TSPEAR: variants seen among roughly 807,000 people sequenced by gnomAD.
TSPEAR encodes thrombospondin type laminin G domain and EAR repeats.
In TSPEAR, 69 loss-of-function variants were observed where a neutral mutation model predicts 71.6. The ratio of observed to expected loss-of-function variants is 0.96; its 90% CI spans 0.79 to 1.18. The LOEUF (loss-of-function observed/expected upper bound fraction) is 1.18. Among genes scored for constraint, TSPEAR ranks in the 50% most tolerant of loss-of-function variants. The pLI is 0.00. For missense variants in TSPEAR, 971 were observed against 894.9 expected (o/e 1.09, Z -1.09); for synonymous variants, 402 against 387.2 (o/e 1.04, Z -0.45).
intron 1 of TSPEAR, among the ~76,000 whole-genome samples, chr21:44,570,009 C>T (rs1194458961): frequency 6.6e-6 from 1 of 152,144 alleles, no homozygotes; most frequent in Non-Finnish European, 1.5e-5. Context: ...CCTACTGCCC[C>T]TCCCCCCAGT....
intron 2 of TSPEAR, among the ~76,000 whole-genome samples, chr21:44,560,128 G>T (rs1286398337): frequency 6.6e-6 from 1 of 152,150 alleles, no homozygotes; most frequent in African/African-American, 2.4e-5. Context: ...CAAAATAAAG[G>T]AATGGAGGAA....
chr21:44,529,750 GCT>G, intron 5 of TSPEAR, 46 bp downstream of exon 5: 1 of 1,606,962 alleles, frequency 6.2e-7, no homozygotes, highest in Non-Finnish European at 8.5e-7. Context: ...TGAGGCCAGG[GCT>G]CTCGCATCTG....
chr21:44,647,399 G>A, intron 1 of TSPEAR: 1 of 1,591,848 alleles, frequency 6.3e-7, no homozygotes, highest in Admixed American at 1.7e-5. Context: ...TTGCTGCCAA[G>A]CAGGATTCTC....
intron 1 of TSPEAR, among the ~76,000 whole-genome samples, chr21:44,576,047 T>G (rs1978421239): frequency 6.6e-6 from 1 of 152,168 alleles, no homozygotes; most frequent in South Asian, 2.1e-4. Context: ...AAAAATTATA[T>G]TTGGAATAAT....
At chr21:44,558,029 T>A in intron 2 of TSPEAR, 1 of 1,587,430 alleles carries the variant, frequency 6.3e-7, no homozygotes, top group Non-Finnish European at 8.6e-7. Flanking sequence ...GGAACAACTC[T>A]GGAGAAACGG....
At chr21:44,668,867 C>T (rs1985918043) in intron 1 of TSPEAR, among the ~76,000 whole-genome samples, 1 of 152,200 alleles carries the variant, frequency 6.6e-6, no homozygotes. Flanking sequence ...CCTTACCTCA[C>T]ACCATATACA....
At chr21:44,614,068 A>C (rs1981908728) in intron 1 of TSPEAR, among the ~76,000 whole-genome samples, 1 of 152,032 alleles carries the variant, frequency 6.6e-6, no homozygotes, top group South Asian at 2.1e-4. Context: ...TCACCTGATG[A>C]CGCCATGAGC....
chr21:44,709,915 G>T (rs534801422), intron 1 of TSPEAR, among the ~76,000 whole-genome samples: 114 of 152,302 alleles, frequency 7.5e-4, no homozygotes, highest in South Asian at 1.0e-3. Context: ...TTTCCTCCCT[G>T]GTTCGTGGTA....
At chr21:44,629,793 T>C (rs587683098) in intron 1 of TSPEAR, among the ~76,000 whole-genome samples, 1 of 152,360 alleles carries the variant, frequency 6.6e-6, no homozygotes, top group East Asian at 1.9e-4. Flanking sequence ...AAATGGTTCC[T>C]GTTTAGGCAT....
At chr21:44,707,504 C>A (rs1211304997) in intron 1 of TSPEAR, among the ~76,000 whole-genome samples, 2 of 152,136 alleles carry the variant, frequency 1.3e-5, no homozygotes, top group Non-Finnish European at 2.9e-5. Context: ...CTTGGCTTGT[C>A]TGGAGCGGAA....
chr21:44,658,280 C>T, intron 1 of TSPEAR: 1 of 1,612,304 alleles, frequency 6.2e-7, no homozygotes, highest in Non-Finnish European at 8.5e-7. Context: ...ACCAGCTGCT[C>T]CTGGTACACG....
At position 44,666,566 on chromosome 21, in the gene TSPEAR, A is replaced by G. The variant is rs1368572926; in HGVS notation, c.82+44867T>C. The G allele has an allele frequency of 3.7e-6, 6 of 1,600,232 alleles. No individual in the cohort carries two copies. The African/African-American group carries it at 5.4e-5, about 14-fold the overall frequency. On this transcript the variant is annotated intron_variant, in intron 1 of 11. Transcript: ENST00000323084. ...CATACACGACAGGCCTGCAGCTCAC[A>G]GGCACGCACAGGGAGGACTGGCAGG... is the stretch of plus-strand genomic sequence containing the variant.
intron 1 of TSPEAR, among the ~76,000 whole-genome samples, chr21:44,606,241 C>T (rs1981307161): frequency 6.6e-6 from 1 of 150,440 alleles, no homozygotes; most frequent in African/African-American, 2.5e-5. Flanking sequence ...CAAAAGAAGC[C>T]ATTTAAATGG....
chr21:44,518,120 A>T lies in TSPEAR; in HGVS notation c.1566+3763T>A, dbSNP rs148090155. ...TTTTAATGTCCAAGCTCTCTGTCTC[A>T]TTAGTAGCATTTTTTATTTCGTAAG... On this transcript the variant is annotated intron_variant, in intron 9 of 11. Transcript: ENST00000323084. 1.3e-3 allele frequency: 456 copies of T among 357,648 alleles called. 4 individuals carry two copies. The highest frequency in any genetic ancestry group is 9.3e-3 in the African/African-American group (436 of 46,790). 22.2% of individuals were successfully genotyped at this position (357,648 alleles called of 1,614,324 possible).
intron 9 of TSPEAR, among the ~76,000 whole-genome samples, chr21:44,513,040 A>T (rs113876738): frequency 1.3e-5 from 2 of 152,222 alleles, no homozygotes; most frequent in Non-Finnish European, 2.9e-5. Flanking sequence ...ATGATTCTTT[A>T]GTCTGTGTGT....
intron 1 of TSPEAR, among the ~76,000 whole-genome samples, chr21:44,699,709 CTA>C (rs1443381905): frequency 1.3e-5 from 2 of 152,232 alleles, no homozygotes; most frequent in Admixed American, 1.3e-4. Flanking sequence ...TGACTTTTCT[CTA>C]TGTGCGTTCT....
intron 1 of TSPEAR, among the ~76,000 whole-genome samples, chr21:44,665,093 G>A (rs151171709): frequency 9.2e-5 from 14 of 152,252 alleles, no homozygotes; most frequent in South Asian, 6.2e-4. Context: ...GAATGTGTTC[G>A]GCTGCAAGCA....
chr21:44,516,402 T>A (rs1555913441), intron 9 of TSPEAR: 1 of 152,472 alleles, frequency 6.6e-6, no homozygotes, highest in East Asian at 1.9e-4. Context: ...CAGTGGGTGC[T>A]GCTGGGAGCT....
chr21:44,704,673 G>C (rs1436587401), intron 1 of TSPEAR, among the ~76,000 whole-genome samples: 2 of 152,208 alleles, frequency 1.3e-5, no homozygotes, highest in East Asian at 3.9e-4. Flanking sequence ...GGGCCCACAG[G>C]AAATTTCCAG....
Sources: gnomAD v4.1 joint callset for allele counts (sites outside exome capture counted in the v4.1 genomes callset) on GRCh38, gnomAD v4.1.1 for gene constraint, MANE v1.5 for transcripts, NCBI Gene and HGNC (gene_info 2026-07-23, HGNC 2026-07-21) for gene names.